Variants in C8orf34 observed in about 807,000 individuals in gnomAD.
The protein encoded by C8orf34 is uncharacterized protein C8orf34.
A neutral mutation model predicts 68.3 loss-of-function variants in C8orf34; 65 were observed. The observed-to-expected ratio is 0.95, with a 90% CI of 0.78 to 1.17. The LOEUF is 1.17. Ranked by LOEUF, C8orf34 falls within the 50% of genes most tolerant of loss-of-function variation. C8orf34 has a pLI of 0.00. For missense variants in C8orf34, 664 were observed against 655.4 expected (o/e 1.01, Z -0.14); for synonymous variants, 244 against 241.2 (o/e 1.01, Z -0.11).
At chr8:68,330,769 A>G (rs1046365517), upstream of C8orf34, 4 of 410,016 alleles carry the variant, frequency 9.8e-6, no homozygotes, top group Non-Finnish European at 1.3e-5. Context: ...CGGGGAAAGG[A>G]GGTACACACA....
intron 1 of C8orf34, among the ~76,000 whole-genome samples, chr8:68,426,319 A>C (rs1810212708): frequency 6.6e-6 from 1 of 152,026 alleles, no homozygotes; most frequent in East Asian, 1.9e-4. Context: ...GGAGTTGAAG[A>C]CCAGCCTGGC....
At chr8:68,429,583 C>T (rs1183926354) in intron 1 of C8orf34, among the ~76,000 whole-genome samples, 1 of 152,168 alleles carries the variant, frequency 6.6e-6, no homozygotes, top group African/African-American at 2.4e-5. Context: ...TCATAGCAGC[C>T]CTATTCACAA....
chr8:68,526,143 T>C (rs1814976959), intron 6 of C8orf34, among the ~76,000 whole-genome samples: 1 of 151,842 alleles, frequency 6.6e-6, no homozygotes, highest in Non-Finnish European at 1.5e-5. Context: ...AAATTTTTTG[T>C]AGAGATGGGG....
At chr8:68,397,548 A>C (rs1208976744) in intron 1 of C8orf34, among the ~76,000 whole-genome samples, 1 of 152,148 alleles carries the variant, frequency 6.6e-6, no homozygotes, top group Admixed American at 6.6e-5. Context: ...AAATATTCCA[A>C]AGTATATGGT....
At chr8:68,506,013 T>C (rs1268851343) in intron 5 of C8orf34, among the ~76,000 whole-genome samples, 2 of 152,176 alleles carry the variant, frequency 1.3e-5, no homozygotes, top group Non-Finnish European at 2.9e-5. Flanking sequence ...CAACCTCTAT[T>C]GCATGGTAGC....
intron 10 of C8orf34, among the ~76,000 whole-genome samples, chr8:68,725,796 T>C (rs1821812239): frequency 6.6e-6 from 1 of 152,232 alleles, no homozygotes; most frequent in Non-Finnish European, 1.5e-5. Context: ...GTACAATTGG[T>C]ACTTATTTGC....
At chr8:68,598,827 G>A (rs1437326832) in intron 7 of C8orf34, among the ~76,000 whole-genome samples, 1 of 152,074 alleles carries the variant, frequency 6.6e-6, no homozygotes, top group South Asian at 2.1e-4. Context: ...GTTGTAGATT[G>A]TAAAATAAAT....
At chr8:68,550,135 A>G (rs1816017101) in intron 7 of C8orf34, among the ~76,000 whole-genome samples, 1 of 151,598 alleles carries the variant, frequency 6.6e-6, no homozygotes. Context: ...CTTGTTTTCT[A>G]TGTATTATTC....
intron 10 of C8orf34, among the ~76,000 whole-genome samples, chr8:68,763,345 A>G (rs1403348833): frequency 6.6e-6 from 1 of 152,066 alleles, no homozygotes; most frequent in Non-Finnish European, 1.5e-5. Flanking sequence ...CCTTCCCTGG[A>G]GAGAGCTTTT....
intron 5 of C8orf34, among the ~76,000 whole-genome samples, chr8:68,511,232 T>C (rs1814259778): frequency 6.6e-6 from 1 of 152,310 alleles, no homozygotes; most frequent in South Asian, 2.1e-4. Flanking sequence ...TTTACTTCTA[T>C]AGAATGGTGC....
intron 7 of C8orf34, among the ~76,000 whole-genome samples, chr8:68,573,080 T>C (rs1230152764): frequency 6.6e-6 from 1 of 152,166 alleles, no homozygotes; most frequent in African/African-American, 2.4e-5. Context: ...TGTCTATCCC[T>C]GGCCTCTCTT....
intron 8 of C8orf34, among the ~76,000 whole-genome samples, chr8:68,654,123 C>A (rs1007922101): frequency 1.3e-5 from 2 of 152,182 alleles, no homozygotes; most frequent in South Asian, 4.2e-4. Flanking sequence ...CAGATGAAAT[C>A]GGTGCCCTTA....
intron 1 of C8orf34, among the ~76,000 whole-genome samples, chr8:68,396,780 C>T (rs1339048280): frequency 6.7e-6 from 1 of 149,032 alleles, no homozygotes; most frequent in East Asian, 2.0e-4. Context: ...TCCTCTCCTG[C>T]CATGTGATCT....
At chr8:68,403,043 A>C (rs918712095) in intron 1 of C8orf34, among the ~76,000 whole-genome samples, 1 of 152,172 alleles carries the variant, frequency 6.6e-6, no homozygotes, top group African/African-American at 2.4e-5. Context: ...CTGGAGTTTC[A>C]AATTCATGCA....
At chr8:68,747,273 A>G (rs889646993) in intron 10 of C8orf34, among the ~76,000 whole-genome samples, 7 of 150,920 alleles carry the variant, frequency 4.6e-5, no homozygotes, top group Admixed American at 4.6e-4. Flanking sequence ...TCCACAGCCA[A>G]TATCATACTG....
At chr8:68,806,463 T>C (rs1162822956) in intron 12 of C8orf34, among the ~76,000 whole-genome samples, 1 of 152,194 alleles carries the variant, frequency 6.6e-6, no homozygotes, top group Non-Finnish European at 1.5e-5. Flanking sequence ...GTCAAAGATA[T>C]CATTTTTTCT....
At chr8:68,477,890 C>T (rs112770588) in intron 4 of C8orf34, among the ~76,000 whole-genome samples, 52 of 152,256 alleles carry the variant, frequency 3.4e-4, no homozygotes, top group South Asian at 1.7e-3. Context: ...GGAGCTGAAA[C>T]GGCTGGGACG....
chr8:68,371,669 G>A (rs1238629611), intron 1 of C8orf34, among the ~76,000 whole-genome samples: 3 of 150,324 alleles, frequency 2.0e-5, no homozygotes, highest in East Asian at 2.0e-4. Flanking sequence ...GCATGATCTC[G>A]GCTCACTGCA....
At chr8:68,625,752 C>A in intron 7 of C8orf34, 1 of 502,260 alleles carries the variant, frequency 2.0e-6, no homozygotes, top group Non-Finnish European at 3.6e-6. Flanking sequence ...TAGTATATGG[C>A]CAGCAAGGGT....
Sources: allele counts gnomAD v4.1 joint callset (sites outside exome capture counted in the v4.1 genomes callset), GRCh38; gene constraint gnomAD v4.1.1; transcripts MANE v1.5; gene names NCBI Gene and HGNC (gene_info 2026-07-23, HGNC 2026-07-21).